Variants in MARK1 observed in about 807,000 individuals in gnomAD.
The protein encoded by MARK1 is serine/threonine-protein kinase MARK1.
MARK1 carries 40 observed loss-of-function variants against 96.3 expected under a neutral mutation model. That is an observed-to-expected ratio of 0.42 (90% CI 0.32 to 0.54). The LOEUF is 0.54. MARK1 is among the 20% of genes least tolerant of loss of function. MARK1 has a pLI of 0.16. For synonymous variants in MARK1, 317 were observed against 341.2 expected (o/e 0.93, Z 0.78); for missense variants, 719 against 984.6 (o/e 0.73, Z 3.61).
intron 1 of MARK1, among the ~76,000 whole-genome samples, chr1:220,538,028 A>G (rs1028545205): frequency 2.0e-5 from 3 of 151,462 alleles, no homozygotes; most frequent in Non-Finnish European, 3.0e-5. Flanking sequence ...TTTGTAGGTT[A>G]CCTGTTTACT....
intron 1 of MARK1, among the ~76,000 whole-genome samples, chr1:220,556,131 T>A (rs1258628509): frequency 6.6e-6 from 1 of 152,082 alleles, no homozygotes; most frequent in African/African-American, 2.4e-5. Context: ...GGAAATACGG[T>A]ATCAGCACCA....
At position 220,626,377 on chromosome 1, in the gene MARK1, G is replaced by A. The variant is rs1041797211; in HGVS notation, c.910-4658G>A. ...AGGAACTAGGGATCTACAGGATATT[G>A]GGGCTGGCAAAGGCAAGTATTATGC... On this transcript the variant is annotated intron_variant, in intron 9 of 17. Coordinates refer to ENST00000366917, the MANE Select transcript of MARK1 (RefSeq NM_018650.5). 28 of 550,058 alleles carry A rather than the reference G, an allele frequency of 5.1e-5. No individual in the cohort carries two copies. The Admixed American group carries it at 5.4e-4, about 11-fold the overall frequency. 34.1% of individuals were successfully genotyped at this position (550,058 alleles called of 1,614,324 possible).
rs1218048983 is a variant in MARK1, at chr1:220,618,004, G to A, written c.553-306G>A. 6.6e-6 allele frequency among the ~76,000 whole-genome samples: 1 copy of A among 152,138 alleles called. No homozygotes were observed. Among genetic ancestry groups the A allele is most frequent in the Admixed American group, 6.5e-5 (1 of 15,278 alleles). On this transcript the variant is annotated intron_variant, in intron 7 of 17. Transcript: ENST00000366917. The surrounding 1 kb of genome is among the most constrained non-coding windows in gnomAD (Gnocchi z 4.6). ...TAAGGTACGCTTCCAGGATGTTTCTGACTGTGAGGAAAAAAATGAGTTTAA... is the reference window on the plus strand; with the variant it reads ...TAAGGTACGCTTCCAGGATGTTTCTAACTGTGAGGAAAAAAATGAGTTTAA...
rs1488311121 is a variant in MARK1, at chr1:220,654,006, G to C, written c.1988+654G>C. On this transcript the variant is annotated intron_variant, in intron 16 of 17. Coordinates refer to ENST00000366917, the MANE Select transcript of MARK1 (RefSeq NM_018650.5). The surrounding 1 kb of genome is among the most constrained non-coding windows in gnomAD (Gnocchi z 4.0). The stretch of plus-strand genomic sequence containing the variant: ...GCTGATGTGGATTTCATCTATTCCT[G>C]GTCCCACTAAATGCCTACTTAAGCC... 1.3e-5 allele frequency among the ~76,000 whole-genome samples: 2 copies of C among 152,140 alleles called. No homozygotes were observed.
In MARK1 at chr1:220,621,305, C is replaced by T. The variant is rs116449236; in HGVS notation, c.909+2550C>T. ...TTTTGATAAAAAACAATGTGGTATA[C>T]TTTTTTCCCCTTTGGGATATATGTT... On this transcript the variant is annotated intron_variant, in intron 9 of 17. Transcript: ENST00000366917. 8.6e-3 allele frequency among the ~76,000 whole-genome samples: 1,310 copies of T among 152,050 alleles called. 16 individuals are homozygous for T. Among genetic ancestry groups the T allele is most frequent in the African/African-American group, 0.029 (1,197 of 41,490 alleles).
At chr1:220,583,344 A>G (rs1481570278) in intron 3 of MARK1, among the ~76,000 whole-genome samples, 1 of 152,196 alleles carries the variant, frequency 6.6e-6, no homozygotes, top group East Asian at 1.9e-4. Flanking sequence ...GCAAACATCA[A>G]TGATAGATAA....
At chr1:220,575,336 A>G (rs1191306959) in intron 1 of MARK1, among the ~76,000 whole-genome samples, 1 of 152,256 alleles carries the variant, frequency 6.6e-6, no homozygotes, top group East Asian at 1.9e-4. Flanking sequence ...TTTAAAATTC[A>G]TAGACATGCT....
chr1:220,649,138 A>G (rs1668734392), intron 13 of MARK1, among the ~76,000 whole-genome samples: 1 of 152,170 alleles, frequency 6.6e-6, no homozygotes. Context: ...TGACATTTCT[A>G]GTTTTTTGAG....
At chr1:220,528,948 G>C (rs1660112586) in intron 1 of MARK1, 75 bp downstream of exon 1, 1 of 1,438,618 alleles carries the variant, frequency 7.0e-7, no homozygotes, top group Non-Finnish European at 9.3e-7. Flanking sequence ...CCGCGCTTGG[G>C]CCGTCCCCCG....
chr1:220,614,567 C>T (rs1666634410), intron 6 of MARK1, among the ~76,000 whole-genome samples: 1 of 151,560 alleles, frequency 6.6e-6, no homozygotes, highest in South Asian at 2.1e-4. Context: ...ATAATATATA[C>T]CTCTATATAT....
intron 13 of MARK1, among the ~76,000 whole-genome samples, chr1:220,649,964 A>G (rs1012796287): frequency 1.3e-5 from 2 of 152,162 alleles, no homozygotes; most frequent in African/African-American, 2.4e-5. Context: ...GTGCATGGTA[A>G]GGAGAATTAC....
At position 220,594,594 on chromosome 1, in the gene MARK1, C is replaced by G. The variant is rs569353032; in HGVS notation, c.310-3737C>G. Among the ~76,000 whole-genome samples, 39 of 152,240 alleles carry G rather than the reference C, an allele frequency of 2.6e-4. No individual in the cohort carries two copies. The Middle Eastern group carries it at 0.014, about 53-fold the overall frequency. ...TGGATGTTTATATAGCAGCTTTAGT[C>G]ATAATGGTCATAACTTGGAAGCAAC... On this transcript the variant is annotated intron_variant, in intron 3 of 17. Transcript: ENST00000366917.
At chr1:220,626,274 C>T (rs370281222) in intron 9 of MARK1, 1 of 529,624 alleles carries the variant, frequency 1.9e-6, no homozygotes, top group Admixed American at 2.0e-5. Flanking sequence ...TTCACCACGG[C>T]GATGGGATGG....
intron 13 of MARK1, among the ~76,000 whole-genome samples, chr1:220,648,924 G>A (rs1318325406): frequency 1.3e-5 from 2 of 152,082 alleles, no homozygotes; most frequent in Non-Finnish European, 2.9e-5. Flanking sequence ...TTAAATATTA[G>A]TAGCTTCTAA....
chr1:220,619,240 C>T (rs919317751), intron 9 of MARK1, among the ~76,000 whole-genome samples: 5 of 152,056 alleles, frequency 3.3e-5, no homozygotes, highest in African/African-American at 7.2e-5. Flanking sequence ...TTTGGGAGGC[C>T]GAGGCGGGCA....
At chr1:220,575,739 G>A (rs927634902) in intron 1 of MARK1, among the ~76,000 whole-genome samples, 10 of 151,744 alleles carry the variant, frequency 6.6e-5, no homozygotes, top group African/African-American at 2.2e-4. Context: ...CATGTTTAAT[G>A]TTGAGGGCTA....
chr1:220,638,566 C>CA (rs1668097993), intron 13 of MARK1, among the ~76,000 whole-genome samples: 2 of 152,234 alleles, frequency 1.3e-5, no homozygotes, highest in African/African-American at 4.8e-5. Context: ...GCAGCTTTCT[C>CA]AGAGTCATTA....
At chr1:220,616,018 TTTAA>T in intron 7 of MARK1, 23 bp downstream of exon 7, 1 of 1,318,342 alleles carries the variant, frequency 7.6e-7, no homozygotes, top group Admixed American at 1.9e-5. Flanking sequence ...GTGTAATTTT[TTTAA>T]AAAAAAAATC....
Position 220,631,096 on chromosome 1 carries a change from C to A in MARK1, c.971C>A (p.Thr324Asn), listed in dbSNP as rs2103004687. 6.2e-7 allele frequency: 1 copy of A among 1,612,938 alleles called. No individual in the cohort carries two copies. Among genetic ancestry groups the A allele is most frequent in the East Asian group, 2.2e-5 (1 of 44,810 alleles). Residue 324 changes from threonine to asparagine, a missense_variant, in exon 10 of 18, where the codon ACT becomes AAT. Physicochemically the swap from Thr to Asn is moderately conservative, Grantham distance 65 (BLOSUM62 0). Around this residue, in one of 4 missense-constraint regions of MARK1, gnomAD observed 501 missense variants for 588.3 expected, o/e 0.85. Transcript: ENST00000366917. ...GAAGAGGAAGAACTAAAGCCATATA[C>A]TGAGCCTGATCCGGATTTCAATGAC... ...GHEEEELKPY[T>N]EPDPDFNDTK...
Sources: allele counts gnomAD v4.1 joint callset (sites outside exome capture counted in the v4.1 genomes callset), GRCh38; gene constraint gnomAD v4.1.1; regional missense constraint gnomAD v4.1.1; non-coding constraint Gnocchi (gnomAD v3.1); transcripts MANE v1.5; gene names NCBI Gene and HGNC (gene_info 2026-07-23, HGNC 2026-07-21).